ZNF704: variants seen among roughly 807,000 people sequenced by gnomAD.
The protein encoded by ZNF704 is glucocorticoid induced gene 1.
In ZNF704, 10 loss-of-function variants were observed where a neutral mutation model predicts 44.7. The ratio of observed to expected loss-of-function variants is 0.22; its 90% confidence interval spans 0.14 to 0.38. The LOEUF is 0.38. Among genes scored for constraint, ZNF704 ranks in the 10% least tolerant of loss-of-function variants. The probability of loss-of-function intolerance (pLI) is 1.00; values close to 1 mark genes in which losing one functional copy is unlikely to be tolerated. For missense variants in ZNF704, 390 were observed against 545.5 expected, an observed-to-expected ratio of 0.71 and a Z score of 2.84; for synonymous variants, 211 against 207.6, an observed-to-expected ratio of 1.02 and a Z score of -0.14.
intron 1 of ZNF704, among the ~76,000 whole-genome samples, chr8:80,834,595 A>C (rs1808527163): frequency 6.6e-6 from 1 of 152,144 alleles, no homozygotes; most frequent in South Asian, 2.1e-4. Context: ...TACGTGTGCC[A>C]TGGTGGTTTG....
intron 1 of ZNF704, among the ~76,000 whole-genome samples, chr8:80,823,091 C>T (rs1370366943): frequency 2.6e-5 from 4 of 152,158 alleles, no homozygotes; most frequent in African/African-American, 9.7e-5. Context: ...GCTTGTCACA[C>T]AGTGAGTGCA....
upstream of ZNF704, among the ~76,000 whole-genome samples, chr8:80,878,038 C>T (rs1315058594): frequency 3.3e-5 from 5 of 152,166 alleles, no homozygotes; most frequent in African/African-American, 1.2e-4. Flanking sequence ...AATCCATTCT[C>T]CCCTACTGTC....
chr8:80,785,577 T>C (rs1807601108), intron 2 of ZNF704, among the ~76,000 whole-genome samples: 1 of 152,232 alleles, frequency 6.6e-6, no homozygotes, highest in African/African-American at 2.4e-5. Context: ...ATTTTATAGT[T>C]TGGGTTAACC....
intron 1 of ZNF704, among the ~76,000 whole-genome samples, chr8:80,825,734 C>A (rs1808359973): frequency 6.6e-6 from 1 of 152,168 alleles, no homozygotes; most frequent in Non-Finnish European, 1.5e-5. Context: ...GTCTCTCAGA[C>A]CACAGTGCAA....
chr8:80,680,312 G>A (rs940570431), intron 4 of ZNF704, among the ~76,000 whole-genome samples: 4 of 151,906 alleles, frequency 2.6e-5, no homozygotes, highest in Non-Finnish European at 5.9e-5. Flanking sequence ...TTATCAGTCA[G>A]CAGCCTGGAG....
chr8:80,671,247 C>A (rs565741951), intron 4 of ZNF704, among the ~76,000 whole-genome samples: 1 of 152,194 alleles, frequency 6.6e-6, no homozygotes, highest in African/African-American at 2.4e-5. Flanking sequence ...CCCACGTTAG[C>A]CTCCCAAGTA....
chr8:80,686,747 T>C (rs1376454078), intron 4 of ZNF704, among the ~76,000 whole-genome samples: 1 of 152,142 alleles, frequency 6.6e-6, no homozygotes, highest in Non-Finnish European at 1.5e-5. Flanking sequence ...AGAATGGAAG[T>C]TTGTTTATAT....
intron 2 of ZNF704, among the ~76,000 whole-genome samples, chr8:80,820,549 T>G (rs1010833746): frequency 2.6e-5 from 4 of 152,136 alleles, no homozygotes; most frequent in Non-Finnish European, 4.4e-5. Context: ...TTTACATATT[T>G]TAGACTTTAC....
chr8:80,715,654 A>C (rs78283263), intron 2 of ZNF704, among the ~76,000 whole-genome samples: 2,285 of 152,318 alleles, frequency 0.015, 80 homozygotes, highest in African/African-American at 0.052. Flanking sequence ...ACTCCTTTGG[A>C]GAACTTTAAA....
intron 2 of ZNF704, among the ~76,000 whole-genome samples, chr8:80,704,006 T>C (rs989547087): frequency 6.6e-6 from 1 of 152,200 alleles, no homozygotes; most frequent in Non-Finnish European, 1.5e-5. Context: ...ATAGGATTTT[T>C]TTTTTCCTTT....
At position 80,670,492 on chromosome 8, in the gene ZNF704, A is replaced by C. The variant is rs781153349; in HGVS notation, c.659+11T>G. On this transcript the variant is annotated intron_variant, in intron 5 of 8. Transcript: ENST00000327835. ...ATGGGGGCTGCATCCCTGAAGAGAG[A>C]GCTGCCTTACCCCAGATGGATGGTT... is the stretch of plus-strand genomic sequence containing the variant. The C allele has an allele frequency of 1.9e-6, 3 of 1,606,822 alleles. No homozygotes were observed. The highest frequency in any genetic ancestry group is 1.7e-6 in the Non-Finnish European group (2 of 1,173,682).
At chr8:80,701,409 T>G (rs1818808138) in intron 2 of ZNF704, among the ~76,000 whole-genome samples, 1 of 151,856 alleles carries the variant, frequency 6.6e-6, no homozygotes, top group African/African-American at 2.4e-5. Flanking sequence ...AATTGAGGCC[T>G]CTAGGCAAGG....
In ZNF704 at chr8:80,664,822, G is replaced by C. The variant is rs146744780; in HGVS notation, c.920C>G (p.Ala307Gly). ...CAGTCCCCTGCAAGTCACCTGGTAA[G>C]CATGGTCAGTGTGCACGAGGTAGAG... ...TTLYLVHTDH[A>G]YQATPPVTIP... The change falls in exon 6 of 9, where the codon GCT (alanine) becomes GGT (glycine). Residue 307 changes from alanine (A) to glycine (G), a missense_variant. Coordinates refer to ENST00000327835, the MANE Select transcript of ZNF704 (RefSeq NM_001033723.3). 3.8e-5 allele frequency: 61 copies of C among 1,614,076 alleles called. No homozygotes were observed. Among genetic ancestry groups the C allele is most frequent in the Non-Finnish European group, 5.1e-5 (60 of 1,180,008 alleles).
chr8:80,714,672 G>C (rs529431372), intron 2 of ZNF704, among the ~76,000 whole-genome samples: 1 of 152,256 alleles, frequency 6.6e-6, no homozygotes, highest in Non-Finnish European at 1.5e-5. Context: ...AGAAAAGATA[G>C]CTCAAAAATT....
chr8:80,696,386 T>TTCA (rs1818724845), intron 2 of ZNF704, among the ~76,000 whole-genome samples: 1 of 152,234 alleles, frequency 6.6e-6, no homozygotes, highest in Non-Finnish European at 1.5e-5. Context: ...TTATCCAGAA[T>TTCA]GTTTGAGACC....
chr8:80,752,544 A>T (rs149280158), intron 2 of ZNF704, among the ~76,000 whole-genome samples: 2 of 97,676 alleles, frequency 2.0e-5, no homozygotes, highest in African/African-American at 1.9e-4. Flanking sequence ...AAAAAAACTT[A>T]AAAAAAAAAA....
chr8:80,869,886 C>CA (rs995520944), intron 1 of ZNF704, among the ~76,000 whole-genome samples: 8 of 152,054 alleles, frequency 5.3e-5, no homozygotes, highest in African/African-American at 1.4e-4. Context: ...TCCCATGTGA[C>CA]AAAAAACAGC....
At chr8:80,827,671 A>G (rs1469487179) in intron 1 of ZNF704, among the ~76,000 whole-genome samples, 1 of 152,236 alleles carries the variant, frequency 6.6e-6, no homozygotes, top group Non-Finnish European at 1.5e-5. Context: ...ACTTCAAACT[A>G]TACTACAAGG....
rs535545831 is a variant in ZNF704, at chr8:80,769,238, A to G, written c.221+52136T>C. Reference sequence around the variant, plus strand: ...TGATTTGGTGATTCTGCAGAGGCCCACTTACTCAGCAATTATTAAATTAAA... The same window carrying G: ...TGATTTGGTGATTCTGCAGAGGCCCGCTTACTCAGCAATTATTAAATTAAA... On this transcript the variant is annotated intron_variant, in intron 2 of 8. Coordinates refer to ENST00000327835, the MANE Select transcript of ZNF704 (RefSeq NM_001033723.3). Among the ~76,000 whole-genome samples the G allele has an allele frequency of 2.6e-5, 4 of 152,312 alleles. No homozygotes were observed. The South Asian group carries it at 6.2e-4, about 24-fold the overall frequency.
Sources: allele counts gnomAD v4.1 joint callset (sites outside exome capture counted in the v4.1 genomes callset), GRCh38; gene constraint gnomAD v4.1.1; transcripts MANE v1.5; gene names NCBI Gene and HGNC (gene_info 2026-07-23, HGNC 2026-07-21).